Variants in QDPR observed in about 807,000 individuals in gnomAD.
The protein encoded by QDPR is dihydropteridine reductase.
Under a neutral mutation model 31.7 loss-of-function variants are expected in QDPR, and 23 were observed. The ratio of observed to expected loss-of-function variants is 0.73; its 90% CI spans 0.52 to 1.03. QDPR has a LOEUF of 1.03. Among genes scored for constraint, QDPR ranks in the 50% least tolerant of loss-of-function variants. The pLI is 0.00. For missense variants in QDPR, 324 were observed against 323.8 expected, an observed-to-expected ratio of 1.00 and a Z score of 0.00; for synonymous variants, 124 against 124.7, an observed-to-expected ratio of 0.99 and a Z score of 0.03.
intron 3 of QDPR, among the ~76,000 whole-genome samples, chr4:17,502,802 T>C (rs74546454): frequency 0.048 from 7,315 of 152,250 alleles, 241 homozygotes; most frequent in African/African-American, 0.091. Context: ...CTAAAACCAC[T>C]GGGTGAAAAG....
chr4:17,504,227 T>C, intron 3 of QDPR, 152 bp downstream of exon 3: 1 of 709,162 alleles, frequency 1.4e-6, no homozygotes, highest in Admixed American at 2.2e-5. Flanking sequence ...TAAAATGGAT[T>C]AAGAGCATTA....
At position 17,512,011 on chromosome 4, in the gene QDPR, A is replaced by C. The variant is rs750513275; in HGVS notation, c.44T>G (p.Val15Gly). The change falls in exon 1 of 7, where the codon GTG (valine) becomes GGG (glycine). Residue 15 changes from valine (V) to glycine (G), a missense_variant. By Grantham distance (109) the Val-to-Gly change is moderately radical. Coordinates refer to ENST00000281243, the MANE Select transcript of QDPR (RefSeq NM_000320.3). ...ACCCAGAGCGCCCCTGCCGCCGTAC[A>C]CCAGCACCCGGCGCGCCTCGCCTGC... is the stretch of plus-strand genomic sequence containing the variant. ...AAAGEARRVL[V>G]YGGRGALGSR... 2 of 1,608,106 alleles carry C rather than the reference A, an allele frequency of 1.2e-6. No individual in the cohort carries two copies. Among genetic ancestry groups the C allele is most frequent in the Non-Finnish European group, 1.7e-6 (2 of 1,178,014 alleles).
chr4:17,508,908 G>C (rs1353524646), intron 2 of QDPR, among the ~76,000 whole-genome samples: 2 of 152,000 alleles, frequency 1.3e-5, no homozygotes, highest in East Asian at 1.9e-4. Context: ...CCTGTAATCC[G>C]AGCACTTTGG....
At chr4:17,506,076 C>T (rs1457845413) in intron 2 of QDPR, among the ~76,000 whole-genome samples, 2 of 152,150 alleles carry the variant, frequency 1.3e-5, no homozygotes, top group African/African-American at 4.8e-5. Context: ...GGCAGGGCTG[C>T]TGCTCTCCAA....
intron 2 of QDPR, 121 bp downstream of exon 2, chr4:17,509,150 T>G: frequency 1.2e-6 from 1 of 809,846 alleles, no homozygotes; most frequent in South Asian, 1.4e-5. Flanking sequence ...AGAGCAAGAC[T>G]CCGTCTCGGG....
At chr4:17,500,912 G>A (rs1560312625) in intron 4 of QDPR, among the ~76,000 whole-genome samples, 1 of 152,142 alleles carries the variant, frequency 6.6e-6, no homozygotes, top group Non-Finnish European at 1.5e-5. Context: ...TAATATTGAT[G>A]AGATTAAAGT....
At chr4:17,511,874 TG>T (rs1719023126) in intron 1 of QDPR, 75 bp downstream of exon 1, 1 of 1,434,776 alleles carries the variant, frequency 7.0e-7, no homozygotes, top group South Asian at 1.2e-5. Context: ...TCCTCTAGAC[TG>T]CCCCCCGCCG....
chr4:17,499,379 C>T (rs558423885), intron 4 of QDPR, among the ~76,000 whole-genome samples: 1 of 152,280 alleles, frequency 6.6e-6, no homozygotes, highest in Admixed American at 6.5e-5. Context: ...GTCTTTTGGT[C>T]CTAGGGTTTT....
At chr4:17,501,010 C>T (rs1718543525) in intron 4 of QDPR, among the ~76,000 whole-genome samples, 1 of 152,172 alleles carries the variant, frequency 6.6e-6, no homozygotes, top group East Asian at 1.9e-4. Flanking sequence ...GGGTGCCTAC[C>T]ATGTGCACTT....
At chr4:17,508,211 T>G (rs1577195248) in intron 2 of QDPR, among the ~76,000 whole-genome samples, 1 of 152,004 alleles carries the variant, frequency 6.6e-6, no homozygotes, top group Non-Finnish European at 1.5e-5. Context: ...CCAAGGTGGG[T>G]GGATAACTTG....
chr4:17,510,386 C>T (rs1718963765), intron 1 of QDPR, among the ~76,000 whole-genome samples: 1 of 152,220 alleles, frequency 6.6e-6, no homozygotes, highest in Non-Finnish European at 1.5e-5. Flanking sequence ...TGCTAAAGCT[C>T]CTGGCACAGG....
At chr4:17,504,860 A>G (rs1367339408) in intron 2 of QDPR, among the ~76,000 whole-genome samples, 1 of 152,188 alleles carries the variant, frequency 6.6e-6, no homozygotes, top group African/African-American at 2.4e-5. Context: ...GACTCTCTTC[A>G]CAAATCACAG....
Position 17,507,240 on chromosome 4 carries a change from A to G in QDPR, c.198+2031T>C, listed in dbSNP as rs184623266. 2.8e-3 allele frequency among the ~76,000 whole-genome samples: 432 copies of G among 152,324 alleles called. 7 individuals carry two copies. Among genetic ancestry groups the G allele is most frequent in the Non-Finnish European group, 3.7e-3 (251 of 68,026 alleles). On this transcript the variant is annotated intron_variant, in intron 2 of 6. Transcript: ENST00000281243. ...TATGATCCTGACTCCACCACTGAGT[A>G]GCTTGTTGGCCTTGTCACTTAGTCG...
chr4:17,494,343 C>T (rs924103146), intron 4 of QDPR, among the ~76,000 whole-genome samples: 4 of 152,130 alleles, frequency 2.6e-5, no homozygotes, highest in African/African-American at 9.7e-5. Flanking sequence ...GTGAAACCAG[C>T]AACTTATAGA....
At chr4:17,507,701 T>G (rs1341712432) in intron 2 of QDPR, among the ~76,000 whole-genome samples, 1 of 151,994 alleles carries the variant, frequency 6.6e-6, no homozygotes, top group African/African-American at 2.4e-5. Context: ...CCTCCCAGGT[T>G]CAAGTGATTC....
At chr4:17,511,005 C>T (rs1718984939) in intron 1 of QDPR, among the ~76,000 whole-genome samples, 1 of 152,222 alleles carries the variant, frequency 6.6e-6, no homozygotes, top group African/African-American at 2.4e-5. Flanking sequence ...AAAGCCCAGA[C>T]TTCACCACTA....
chr4:17,501,612 G>T (rs1291316423), intron 4 of QDPR, 107 bp downstream of exon 4: 1 of 1,317,122 alleles, frequency 7.6e-7, no homozygotes, highest in Non-Finnish European at 1.1e-6. Flanking sequence ...CTGTTAAGCA[G>T]CTTAGAGGGT....
intron 2 of QDPR, among the ~76,000 whole-genome samples, chr4:17,506,556 ATC>A (rs1718794690): frequency 6.6e-6 from 1 of 152,218 alleles, no homozygotes; most frequent in African/African-American, 2.4e-5. Context: ...GCAACCTTTT[ATC>A]TGTTTGACCT....
chr4:17,507,666 C>A (rs996810515), intron 2 of QDPR, among the ~76,000 whole-genome samples: 1 of 151,248 alleles, frequency 6.6e-6, no homozygotes, highest in South Asian at 2.1e-4. Flanking sequence ...TGCAGTGGCA[C>A]AATCTTGGCT....
Sources: gnomAD v4.1 joint callset for allele counts (sites outside exome capture counted in the v4.1 genomes callset) on GRCh38, gnomAD v4.1.1 for gene constraint, MANE v1.5 for transcripts, NCBI Gene and HGNC (gene_info 2026-07-23, HGNC 2026-07-21) for gene names.